The following RIMS2 variants were observed in gnomAD, a reference collection of about 807,000 sequenced individuals.
RIMS2 encodes regulating synaptic membrane exocytosis 2, also known as regulating synaptic membrane exocytosis protein 2.
A neutral mutation model predicts 174.4 loss-of-function variants in RIMS2; 59 were observed. The observed-to-expected ratio is 0.34, with a 90% CI of 0.27 to 0.42. The LOEUF (loss-of-function observed/expected upper bound fraction) is 0.42. Ranked by LOEUF, RIMS2 falls within the 10% of genes least tolerant of loss-of-function variation. The probability of loss-of-function intolerance (pLI) is 1.00; values close to 1 mark genes in which losing one functional copy is unlikely to be tolerated. For missense variants in RIMS2, 1,620 were observed against 1,666.3 expected (o/e 0.97, Z 0.48); for synonymous variants, 606 against 572.5 (o/e 1.06, Z -0.84).
chr8:104,051,924 C>T (rs1289842887), intron 19 of RIMS2, among the ~76,000 whole-genome samples: 2 of 152,168 alleles, frequency 1.3e-5, no homozygotes, highest in African/African-American at 2.4e-5. Context: ...TTTAATTTTT[C>T]AGAGAACAGT....
intron 19 of RIMS2, among the ~76,000 whole-genome samples, chr8:104,128,805 A>G (rs904455151): frequency 1.1e-4 from 17 of 152,208 alleles, no homozygotes; most frequent in African/African-American, 3.9e-4. Flanking sequence ...TTTCTTCAGT[A>G]TGCTAGACTG....
intron 1 of RIMS2, among the ~76,000 whole-genome samples, chr8:103,604,405 T>G (rs1184458394): frequency 6.6e-6 from 1 of 152,134 alleles, no homozygotes; most frequent in Non-Finnish European, 1.5e-5. Flanking sequence ...ACTATAGCCT[T>G]GTAGTATAGT....
chr8:103,900,434 G>A (rs887709865), intron 4 of RIMS2, among the ~76,000 whole-genome samples: 2 of 148,630 alleles, frequency 1.3e-5, no homozygotes, highest in East Asian at 3.9e-4. Flanking sequence ...GTGTTGGCCA[G>A]GCCATTATAG....
intron 1 of RIMS2, among the ~76,000 whole-genome samples, chr8:103,610,038 A>G (rs1412111269): frequency 1.3e-5 from 2 of 151,944 alleles, no homozygotes; most frequent in Admixed American, 6.6e-5. Context: ...CATTGTAGAG[A>G]TCTTTCACTT....
At chr8:104,193,931 T>A (rs2099010843) in intron 19 of RIMS2, among the ~76,000 whole-genome samples, 1 of 152,114 alleles carries the variant, frequency 6.6e-6, no homozygotes, top group African/African-American at 2.4e-5. Flanking sequence ...ATCTGGAAGG[T>A]TTTTATTGTT....
intron 3 of RIMS2, among the ~76,000 whole-genome samples, chr8:103,817,444 A>C (rs2154470727): frequency 6.6e-6 from 1 of 152,320 alleles, no homozygotes; most frequent in East Asian, 1.9e-4. Context: ...AGGAAAATCA[A>C]AATATTTTTT....
At chr8:103,720,223 C>T (rs997009008) in intron 2 of RIMS2, among the ~76,000 whole-genome samples, 3 of 152,056 alleles carry the variant, frequency 2.0e-5, no homozygotes, top group African/African-American at 7.2e-5. Context: ...GTGCATTATA[C>T]CTTCATAATT....
chr8:104,084,443 A>AAAAAAC (rs1598463657), intron 19 of RIMS2, among the ~76,000 whole-genome samples: 1 of 151,358 alleles, frequency 6.6e-6, no homozygotes, highest in East Asian at 1.9e-4. Flanking sequence ...GTCTCAAAAA[A>AAAAAAC]AAAAAAAAAA....
intron 3 of RIMS2, among the ~76,000 whole-genome samples, chr8:103,804,804 CTT>C (rs1291185845): frequency 6.7e-6 from 1 of 149,270 alleles, no homozygotes; most frequent in African/African-American, 2.5e-5. Flanking sequence ...TAGAAATTGT[CTT>C]TTTTTTTTCT....
intron 2 of RIMS2, among the ~76,000 whole-genome samples, chr8:103,743,365 G>A (rs551364543): frequency 3.3e-5 from 5 of 151,982 alleles, no homozygotes; most frequent in Non-Finnish European, 5.9e-5. Flanking sequence ...AATTATTGCC[G>A]GATAAATTTG....
chr8:103,625,116 G>A (rs1447454935), intron 1 of RIMS2, among the ~76,000 whole-genome samples: 1 of 152,032 alleles, frequency 6.6e-6, no homozygotes, highest in Non-Finnish European at 1.5e-5. Context: ...GTTTTTAGGG[G>A]GAAGGAGGTT....
At chr8:103,655,108 A>C (rs1362415110) in intron 1 of RIMS2, among the ~76,000 whole-genome samples, 1 of 151,968 alleles carries the variant, frequency 6.6e-6, no homozygotes, top group African/African-American at 2.4e-5. Context: ...AATTATAGAT[A>C]TAAGTAGACT....
At chr8:103,524,309 A>G (rs2130629361) in intron 1 of RIMS2, among the ~76,000 whole-genome samples, 1 of 152,108 alleles carries the variant, frequency 6.6e-6, no homozygotes, top group East Asian at 1.9e-4. Context: ...CAAAAATGAC[A>G]GGGTTTCTCT....
At chr8:104,236,200 T>A (rs765578272) in intron 19 of RIMS2, among the ~76,000 whole-genome samples, 1 of 152,024 alleles carries the variant, frequency 6.6e-6, no homozygotes, top group Non-Finnish European at 1.5e-5. Flanking sequence ...AGACACATAA[T>A]GTCAAGATTT....
intron 19 of RIMS2, among the ~76,000 whole-genome samples, chr8:104,129,234 A>AG (rs2132811249): frequency 6.6e-6 from 1 of 152,152 alleles, no homozygotes; most frequent in African/African-American, 2.4e-5. Context: ...AAAAAAAAAA[A>AG]AAGTAGCCAC....
At chr8:103,555,342 A>G (rs534732944) in intron 1 of RIMS2, among the ~76,000 whole-genome samples, 1 of 152,194 alleles carries the variant, frequency 6.6e-6, no homozygotes, top group African/African-American at 2.4e-5. Flanking sequence ...TATTAGAATG[A>G]CTACTATAAA....
intron 4 of RIMS2, among the ~76,000 whole-genome samples, chr8:103,908,187 G>A (rs1181028398): frequency 6.6e-6 from 1 of 151,798 alleles, no homozygotes; most frequent in African/African-American, 2.4e-5. Context: ...GACTACAGGC[G>A]TGCACCACCA....
At chr8:103,904,193 T>C (rs2073868302) in intron 4 of RIMS2, among the ~76,000 whole-genome samples, 1 of 152,140 alleles carries the variant, frequency 6.6e-6, no homozygotes, top group Non-Finnish European at 1.5e-5. Context: ...AATGAAATCA[T>C]ACAGTATGTG....
intron 2 of RIMS2, among the ~76,000 whole-genome samples, chr8:103,744,670 A>AT (rs2097791445): frequency 6.6e-6 from 1 of 152,092 alleles, no homozygotes; most frequent in South Asian, 2.1e-4. Flanking sequence ...GCCTAAGGGC[A>AT]TTTTATGGCC....
Sources: gnomAD v4.1 joint callset for allele counts (sites outside exome capture counted in the v4.1 genomes callset) on GRCh38, gnomAD v4.1.1 for gene constraint, MANE v1.5 for transcripts, NCBI Gene and HGNC (gene_info 2026-07-23, HGNC 2026-07-21) for gene names.